The following DOCK2 variants were observed in gnomAD, a reference collection of about 807,000 sequenced individuals.
DOCK2 encodes the protein dedicator of cytokinesis protein 2.
A neutral mutation model predicts 248.9 loss-of-function variants in DOCK2; 87 were observed. That is an observed-to-expected ratio of 0.35 (90% CI 0.29 to 0.42). The LOEUF (loss-of-function observed/expected upper bound fraction) is 0.42. DOCK2 is among the 10% of genes least tolerant of loss of function. The pLI is 1.00. For missense variants in DOCK2, 1,747 were observed against 2,300.2 expected (o/e 0.76, Z 4.92); for synonymous variants, 805 against 821.6 (o/e 0.98, Z 0.35).
intron 27 of DOCK2, among the ~76,000 whole-genome samples, chr5:169,845,457 CAGGGTGCCTGGCGTGCAGTGGGTACCCA>C (rs1483026131): frequency 6.6e-6 from 1 of 152,174 alleles, no homozygotes; most frequent in African/African-American, 2.4e-5. Context: ...CAACACCCAG[CAGGGTGCCTGGCGTGCAGTGGGTACCCA>C]AGTTTGTTGA....
intron 27 of DOCK2, among the ~76,000 whole-genome samples, chr5:169,961,126 A>G (rs754620909): frequency 5.9e-5 from 9 of 152,206 alleles, no homozygotes; most frequent in Non-Finnish European, 7.3e-5. Flanking sequence ...TTGCAATTTC[A>G]TGCATGTAGG....
intron 25 of DOCK2, among the ~76,000 whole-genome samples, chr5:169,784,122 T>C (rs964378951): frequency 5.8e-5 from 4 of 69,230 alleles, no homozygotes; most frequent in African/African-American, 1.0e-4. Context: ...GTCAATTTCA[T>C]TGATTTTTTT....
At chr5:169,645,680 A>G (rs146937757) in intron 1 of DOCK2, among the ~76,000 whole-genome samples, 16 of 152,300 alleles carry the variant, frequency 1.1e-4, no homozygotes, top group African/African-American at 2.6e-4. Flanking sequence ...TGTTTTTGTC[A>G]TGAAGTCTTT....
Position 169,942,064 on chromosome 5 carries a change from G to A in DOCK2, c.2800-41004G>A, listed in dbSNP as rs375816809. 1.6e-3 allele frequency among the ~76,000 whole-genome samples: 244 copies of A among 152,346 alleles called. 4 individuals are homozygous for A. In the South Asian group the frequency reaches 0.043, roughly 27 times the overall value. ...CCTGAACGAAAACAGTTCGACATGAGAAGGATGTGGGCCTGTCTCTAATTT... is the reference window on the plus strand; with the variant it reads ...CCTGAACGAAAACAGTTCGACATGAAAAGGATGTGGGCCTGTCTCTAATTT... On this transcript the variant is annotated intron_variant, in intron 27 of 51. Coordinates refer to ENST00000520908, the MANE Select transcript of DOCK2 (RefSeq NM_004946.3).
At chr5:169,793,638 G>A (rs554018501) in intron 25 of DOCK2, among the ~76,000 whole-genome samples, 6 of 152,124 alleles carry the variant, frequency 3.9e-5, no homozygotes, top group African/African-American at 1.4e-4. Flanking sequence ...CTCTAGGTCC[G>A]CCATTAAAAA....
chr5:169,955,433 C>T (rs2015421), intron 27 of DOCK2, among the ~76,000 whole-genome samples: 1 of 152,106 alleles, frequency 6.6e-6, no homozygotes, highest in Non-Finnish European at 1.5e-5. Context: ...GAGGAGGATG[C>T]GCCCCTGGAC....
intron 14 of DOCK2, among the ~76,000 whole-genome samples, chr5:169,705,756 G>A (rs1761226646): frequency 6.6e-6 from 1 of 152,184 alleles, no homozygotes; most frequent in South Asian, 2.1e-4. Context: ...TCACATCCCT[G>A]GTGTCATCTC....
chr5:170,021,770 C>A (rs960359061), intron 33 of DOCK2, among the ~76,000 whole-genome samples: 2 of 152,102 alleles, frequency 1.3e-5, no homozygotes, highest in Admixed American at 1.3e-4. Context: ...CTCGGGGATA[C>A]GCCGGCCCAG....
rs546434383 is a variant in DOCK2, at chr5:169,823,388, T to C, written c.2704-17369T>C. Among the ~76,000 whole-genome samples, 563 of 151,648 alleles carry C rather than the reference T, an allele frequency of 3.7e-3. 1 individual carries two copies. Among genetic ancestry groups the C allele is most frequent in the African/African-American group, 0.013 (539 of 41,358 alleles). Reference sequence around the variant, plus strand: ...AATCCTCAATAAAATACTGGCAAACTGAATCCAGCAGCACATCAAAAAGCT... The same window carrying C: ...AATCCTCAATAAAATACTGGCAAACCGAATCCAGCAGCACATCAAAAAGCT... On this transcript the variant is annotated intron_variant, in intron 26 of 51. Transcript: ENST00000520908.
chr5:169,986,056 T>A, intron 29 of DOCK2, 134 bp downstream of exon 29: 1 of 800,784 alleles, frequency 1.2e-6, no homozygotes, highest in Non-Finnish European at 1.8e-6. Flanking sequence ...TTTCTTTCTA[T>A]CTTTAAACCC....
At chr5:169,902,517 G>A (rs1373075966) in intron 27 of DOCK2, among the ~76,000 whole-genome samples, 2 of 152,168 alleles carry the variant, frequency 1.3e-5, no homozygotes, top group Non-Finnish European at 2.9e-5. Flanking sequence ...CAAGTAGAGT[G>A]GTTTCTGGAA....
chr5:170,044,758 CAG>C (rs1212184766), intron 38 of DOCK2, among the ~76,000 whole-genome samples: 1 of 152,192 alleles, frequency 6.6e-6, no homozygotes, highest in Non-Finnish European at 1.5e-5. Context: ...TGCTTGGATG[CAG>C]AGAGAGCACT....
chr5:169,919,882 G>T lies in DOCK2; in HGVS notation c.2800-63186G>T, dbSNP rs542067356. On this transcript the variant is annotated intron_variant, in intron 27 of 51. Coordinates refer to ENST00000520908, the MANE Select transcript of DOCK2 (RefSeq NM_004946.3). ...AACTTAGACATTAACCAGCAGATTA[G>T]TATTAGTGGAAAGGATTTTACTGTA... Among the ~76,000 whole-genome samples, 4 of 152,292 alleles carry T rather than the reference G, an allele frequency of 2.6e-5. 1 individual carries two copies. In the South Asian group the frequency reaches 8.3e-4, roughly 32 times the overall value.
chr5:169,881,199 T>C (rs185373625), intron 27 of DOCK2, among the ~76,000 whole-genome samples: 41 of 152,322 alleles, frequency 2.7e-4, no homozygotes, highest in African/African-American at 8.7e-4. Flanking sequence ...ATAGACTTTG[T>C]TCTAAGGAAA....
chr5:169,671,139 T>G lies in DOCK2; in HGVS notation c.286T>G (p.Trp96Gly). 1 of 1,614,044 alleles carries G rather than the reference T, an allele frequency of 6.2e-7. No individual in the cohort carries two copies. The highest frequency in any genetic ancestry group is 8.5e-7 in the Non-Finnish European group (1 of 1,179,950). The change falls in exon 5 of 52, where the codon TGG becomes GGG. Residue 96 changes from tryptophan (W) to glycine (G), a missense_variant. This residue lies in a region of DOCK2 where 375 missense variants were observed against 510.9 expected (regional missense o/e 0.73). Coordinates refer to ENST00000520908, the MANE Select transcript of DOCK2 (RefSeq NM_004946.3). ...GGCACAAGAAGTGACAACGACACTT[T>G]GGGAATGGGGAAGCATCTGGAAACA... ...PLAQEVTTTL[W>G]EWGSIWKQLY... is the part of the protein sequence containing the mutation.
chr5:170,076,945 G>C (rs1757859692), intron 47 of DOCK2, among the ~76,000 whole-genome samples: 2 of 152,136 alleles, frequency 1.3e-5, no homozygotes, highest in African/African-American at 4.8e-5. Flanking sequence ...CCAACCATAA[G>C]CTTCAGGGAC....
intron 44 of DOCK2, among the ~76,000 whole-genome samples, chr5:170,065,642 C>G (rs1288341064): frequency 6.6e-6 from 1 of 152,206 alleles, no homozygotes; most frequent in Non-Finnish European, 1.5e-5. Flanking sequence ...CAAGTCCCAT[C>G]TTACGTGGAT....
chr5:170,031,482 T>C (rs1756133846), intron 34 of DOCK2, among the ~76,000 whole-genome samples: 1 of 152,208 alleles, frequency 6.6e-6, no homozygotes, highest in Non-Finnish European at 1.5e-5. Context: ...GCGTGAGGAA[T>C]TACCTATATT....
At chr5:169,936,041 T>C (rs1775978580) in intron 27 of DOCK2, among the ~76,000 whole-genome samples, 1 of 152,152 alleles carries the variant, frequency 6.6e-6, no homozygotes, top group South Asian at 2.1e-4. Flanking sequence ...GGAACAACTG[T>C]AAAGAAGTCT....
Sources: gnomAD v4.1 joint callset for allele counts (sites outside exome capture counted in the v4.1 genomes callset) on GRCh38, gnomAD v4.1.1 for gene constraint, gnomAD v4.1.1 regional missense constraint, MANE v1.5 for transcripts, NCBI Gene and HGNC (gene_info 2026-07-23, HGNC 2026-07-21) for gene names.